The following ERMARD variants were observed in gnomAD, a reference collection of about 807,000 sequenced individuals.
ERMARD encodes ER membrane associated RNA degradation.
ERMARD carries 71 observed loss-of-function variants against 83.9 expected under a neutral mutation model. The observed-to-expected ratio is 0.85, with a 90% confidence interval of 0.70 to 1.03. The LOEUF is 1.03. Among genes scored for constraint, ERMARD ranks in the 50% least tolerant of loss-of-function variants. The probability of loss-of-function intolerance (pLI) is 0.00; values close to 1 mark genes in which losing one functional copy is unlikely to be tolerated. For synonymous variants in ERMARD, 284 were observed against 298.6 expected, an observed-to-expected ratio of 0.95 and a Z score of 0.50; for missense variants, 838 against 810.9, an observed-to-expected ratio of 1.03 and a Z score of -0.41.
chr6:169,769,049 G>C (rs1792569396), intron 11 of ERMARD, among the ~76,000 whole-genome samples: 1 of 152,192 alleles, frequency 6.6e-6, no homozygotes, highest in South Asian at 2.1e-4. Flanking sequence ...TCCACCTTGA[G>C]TCTCTGTGAT....
intron 9 of ERMARD, among the ~76,000 whole-genome samples, chr6:169,765,025 A>G (rs1336975178): frequency 6.6e-6 from 1 of 152,184 alleles, no homozygotes; most frequent in African/African-American, 2.4e-5. Context: ...CCTGCTGCCC[A>G]TGCCCAGTGC....
At chr6:169,751,356 T>C (rs770448231), upstream of ERMARD, 10 of 1,613,948 alleles carry the variant, frequency 6.2e-6, no homozygotes, top group Admixed American at 1.2e-4. Flanking sequence ...TTCTCGAACA[T>C]GCTAGGCCTC....
intron 3 of ERMARD, 128 bp downstream of exon 3, chr6:169,755,550 G>T (rs1790702186): frequency 8.5e-7 from 1 of 1,174,762 alleles, no homozygotes; most frequent in Non-Finnish European, 1.2e-6. Flanking sequence ...GTTGAGGGTT[G>T]TAAGAGAACC....
At chr6:169,774,722 C>T (rs368593622) in intron 13 of ERMARD, among the ~76,000 whole-genome samples, 39 of 152,278 alleles carry the variant, frequency 2.6e-4, no homozygotes, top group African/African-American at 8.7e-4. Context: ...GAGCATCTGC[C>T]GAGGGATCTG....
At chr6:169,760,791 T>C (rs1203489161) in intron 8 of ERMARD, 35 bp downstream of exon 8, 1 of 1,434,240 alleles carries the variant, frequency 7.0e-7, no homozygotes, top group East Asian at 2.3e-5. Context: ...TGGTTTGCAG[T>C]GGTTGGAGGC....
chr6:169,764,782 C>G lies in ERMARD; in HGVS notation c.961-1856C>G, dbSNP rs1276032743. Among the ~76,000 whole-genome samples, 8 of 152,278 alleles carry G rather than the reference C, an allele frequency of 5.3e-5. No individual in the cohort carries two copies. In the East Asian group the frequency reaches 1.5e-3, roughly 29 times the overall value. On this transcript the variant is annotated intron_variant, in intron 9 of 17. Transcript: ENST00000366773. Reference sequence around the variant, plus strand: ...TTTAGGCTTCTTGTCAGCTCCAGAACTTGCTTGTCTTTCCTCTTACTTTGT... The same window carrying G: ...TTTAGGCTTCTTGTCAGCTCCAGAAGTTGCTTGTCTTTCCTCTTACTTTGT...
intron 15 of ERMARD, 192 bp from the exon 16 acceptor site, chr6:169,776,263 T>C: frequency 6.5e-7 from 1 of 1,545,348 alleles, no homozygotes; most frequent in Non-Finnish European, 8.8e-7. Context: ...AGGCTGTGAA[T>C]GCCACATTCT....
chr6:169,768,899 A>G (rs565815245), intron 11 of ERMARD, among the ~76,000 whole-genome samples: 3 of 152,356 alleles, frequency 2.0e-5, no homozygotes, highest in South Asian at 4.1e-4. Flanking sequence ...TTGGACTACA[A>G]TAGGTATTTG....
intron 10 of ERMARD, chr6:169,767,803 A>C: frequency 2.6e-6 from 1 of 390,534 alleles, no homozygotes; most frequent in Non-Finnish European, 4.7e-6. Flanking sequence ...ATATAAACAC[A>C]CAAATGTACA....
intron 13 of ERMARD, 91 bp from the exon 14 acceptor site, chr6:169,775,179 T>G (rs1462240062): frequency 1.5e-6 from 2 of 1,303,032 alleles, no homozygotes; most frequent in Non-Finnish European, 2.2e-6. Flanking sequence ...ATTTACGTAT[T>G]TTCTAGAGAG....
intron 8 of ERMARD, among the ~76,000 whole-genome samples, chr6:169,761,030 T>G (rs903729962): frequency 3.3e-5 from 5 of 152,206 alleles, no homozygotes; most frequent in Non-Finnish European, 5.9e-5. Flanking sequence ...GTGAAACATG[T>G]TCAGAATCAT....
intron 1 of ERMARD, chr6:169,752,060 C>G (rs370261339): frequency 4.3e-6 from 1 of 234,890 alleles, no homozygotes; most frequent in Non-Finnish European, 8.1e-6. Flanking sequence ...CACACTCGGA[C>G]AGTAAATTTG....
At chr6:169,760,197 G>A (rs1015695899) in intron 7 of ERMARD, among the ~76,000 whole-genome samples, 8 of 152,148 alleles carry the variant, frequency 5.3e-5, no homozygotes, top group Non-Finnish European at 8.8e-5. Flanking sequence ...AGGAGTTGCA[G>A]CTGTGTGAGC....
intron 16 of ERMARD, among the ~76,000 whole-genome samples, chr6:169,777,108 C>T (rs138645725): frequency 3.9e-3 from 591 of 152,234 alleles, no homozygotes; most frequent in African/African-American, 0.014. Context: ...CTTTGATGAG[C>T]CTTTCGGTGA....
In ERMARD at chr6:169,775,939, G is replaced by T; in HGVS notation, c.1395-1G>T. On this transcript the variant is annotated splice_acceptor_variant, in intron 14 of 17. Coordinates refer to ENST00000366773, the MANE Select transcript of ERMARD (RefSeq NM_018341.3). LOFTEE classifies it high-confidence loss of function. ...ATCTTTAAATATTTTCTGTTTTTCAGATTAGAAGATAATTCTGAAACAAAT... is the reference window on the plus strand; with the variant it reads ...ATCTTTAAATATTTTCTGTTTTTCATATTAGAAGATAATTCTGAAACAAAT... 6.2e-7 allele frequency: 1 copy of T among 1,613,880 alleles called. No homozygotes were observed. Among genetic ancestry groups the T allele is most frequent in the South Asian group, 1.1e-5 (1 of 90,992 alleles).
chr6:169,780,592 C>T (rs981498651), intron 17 of ERMARD, among the ~76,000 whole-genome samples: 2 of 152,158 alleles, frequency 1.3e-5, no homozygotes, highest in Admixed American at 6.5e-5. Context: ...CTTCTCTGAG[C>T]CGGCCCCTCC....
At chr6:169,764,615 T>G (rs1216274015) in intron 9 of ERMARD, among the ~76,000 whole-genome samples, 1 of 148,952 alleles carries the variant, frequency 6.7e-6, no homozygotes, top group Non-Finnish European at 1.5e-5. Flanking sequence ...TTATTTATGG[T>G]TTTTTTTCAT....
At chr6:169,758,746 T>C (rs1255855124) in intron 5 of ERMARD, among the ~76,000 whole-genome samples, 1 of 152,202 alleles carries the variant, frequency 6.6e-6, no homozygotes, top group Non-Finnish European at 1.5e-5. Context: ...TCATAGTACC[T>C]TCCTCATAGG....
At chr6:169,752,974 C>T (rs963706036) in intron 1 of ERMARD, 3 of 152,142 alleles carry the variant, frequency 2.0e-5, no homozygotes, top group African/African-American at 7.2e-5. Flanking sequence ...AAGGGATAAA[C>T]CTTAATGAGA....
Sources: gnomAD v4.1 joint callset for allele counts (sites outside exome capture counted in the v4.1 genomes callset) on GRCh38, gnomAD v4.1.1 for gene constraint, MANE v1.5 for transcripts, NCBI Gene and HGNC (gene_info 2026-07-23, HGNC 2026-07-21) for gene names.